Variants in NLGN1 observed in about 807,000 individuals in gnomAD.
The protein encoded by NLGN1 is neuroligin 1, also known as neuroligin-1.
A neutral mutation model predicts 65.5 loss-of-function variants in NLGN1; 12 were observed. The ratio of observed to expected loss-of-function variants is 0.18; its 90% CI spans 0.12 to 0.30. The LOEUF (loss-of-function observed/expected upper bound fraction) is 0.30, where lower values mean the gene tolerates loss of function less well. NLGN1 is among the 10% of genes least tolerant of loss of function. The probability of loss-of-function intolerance (pLI) is 1.00; values close to 1 mark genes in which losing one functional copy is unlikely to be tolerated. For synonymous variants in NLGN1, 350 were observed against 359.5 expected (o/e 0.97, Z 0.30); for missense variants, 750 against 1,007.1 (o/e 0.74, Z 3.46).
chr3:173,422,862 T>G (rs1263214819), intron 1 of NLGN1, among the ~76,000 whole-genome samples: 1 of 152,250 alleles, frequency 6.6e-6, no homozygotes, highest in Non-Finnish European at 1.5e-5. Context: ...AGTTATTGAT[T>G]CCTTGTCAGA....
intron 4 of NLGN1, among the ~76,000 whole-genome samples, chr3:174,024,612 A>G (rs1389890807): frequency 1.3e-5 from 2 of 152,184 alleles, no homozygotes; most frequent in Non-Finnish European, 2.9e-5. Context: ...TGAAAAGAAT[A>G]ACATAAAATA....
intron 3 of NLGN1, among the ~76,000 whole-genome samples, chr3:173,733,736 A>G (rs1261941545): frequency 6.6e-6 from 1 of 152,130 alleles, no homozygotes; most frequent in Non-Finnish European, 1.5e-5. Context: ...TGACTAATTT[A>G]TTCAGTCTTC....
At chr3:173,507,539 C>T (rs1312649978) in intron 2 of NLGN1, among the ~76,000 whole-genome samples, 1 of 152,068 alleles carries the variant, frequency 6.6e-6, no homozygotes, top group South Asian at 2.1e-4. Flanking sequence ...ACATGGTCTT[C>T]AGCAAATTAG....
chr3:174,128,599 T>G (rs1719469480), intron 4 of NLGN1, among the ~76,000 whole-genome samples: 2 of 152,088 alleles, frequency 1.3e-5, no homozygotes, highest in African/African-American at 4.8e-5. Context: ...AGCCCCAAAG[T>G]CCATGTAGTT....
intron 4 of NLGN1, among the ~76,000 whole-genome samples, chr3:173,872,843 T>C (rs1478388602): frequency 6.6e-6 from 1 of 152,162 alleles, no homozygotes; most frequent in Non-Finnish European, 1.5e-5. Flanking sequence ...ATTTGAATAA[T>C]ATCTGGAACC....
In NLGN1 at chr3:173,769,412, A is replaced by G. The variant is rs543338430; in HGVS notation, c.494-38268A>G. On this transcript the variant is annotated intron_variant, in intron 3 of 6. Transcript: ENST00000457714. ...CACTTCATCTCCCAACATTCCCCCA[A>G]ACACACATATGAGGGCCATGTGTTT... is the stretch of plus-strand genomic sequence containing the variant. Among the ~76,000 whole-genome samples, 12 of 152,168 alleles carry G rather than the reference A, an allele frequency of 7.9e-5. No individual in the cohort carries two copies. The South Asian group carries it at 2.5e-3, about 32-fold the overall frequency.
At chr3:174,096,416 A>G (rs547173593) in intron 4 of NLGN1, among the ~76,000 whole-genome samples, 6 of 152,098 alleles carry the variant, frequency 3.9e-5, no homozygotes, top group Non-Finnish European at 8.8e-5. Context: ...AAAACTTTCT[A>G]AAATGCATTT....
intron 3 of NLGN1, among the ~76,000 whole-genome samples, chr3:173,661,439 A>G (rs1262933623): frequency 2.6e-5 from 4 of 151,988 alleles, no homozygotes; most frequent in Admixed American, 6.6e-5. Context: ...TTCAAAGTCC[A>G]GGTTCTCAGC....
At chr3:174,206,323 A>ACACCAACTTCAAGC (rs1173490120) in intron 4 of NLGN1, among the ~76,000 whole-genome samples, 3 of 152,226 alleles carry the variant, frequency 2.0e-5, no homozygotes, top group Admixed American at 6.5e-5. Context: ...CTCGAGGATC[A>ACACCAACTTCAAGC]CACCAACTTC....
intron 3 of NLGN1, among the ~76,000 whole-genome samples, chr3:173,675,576 C>T (rs1015758742): frequency 2.0e-5 from 3 of 151,924 alleles, no homozygotes; most frequent in African/African-American, 7.3e-5. Context: ...AAATTTTAGC[C>T]AATTATTTTA....
At chr3:174,168,542 T>C (rs567039320) in intron 4 of NLGN1, among the ~76,000 whole-genome samples, 2 of 152,222 alleles carry the variant, frequency 1.3e-5, no homozygotes, top group African/African-American at 4.8e-5. Context: ...TATTGGCTAT[T>C]GGGCTGGGCA....
chr3:174,073,443 T>A (rs572158327), intron 4 of NLGN1, among the ~76,000 whole-genome samples: 21 of 152,296 alleles, frequency 1.4e-4, no homozygotes, highest in African/African-American at 5.1e-4. Flanking sequence ...GCAGCACATC[T>A]TTTGAACATA....
intron 3 of NLGN1, among the ~76,000 whole-genome samples, chr3:173,752,784 A>C (rs1776492034): frequency 6.6e-6 from 1 of 151,958 alleles, no homozygotes; most frequent in African/African-American, 2.4e-5. Context: ...TCACCTGTCC[A>C]TTCTCCTTCT....
chr3:174,174,129 A>C (rs1027808267), intron 4 of NLGN1, among the ~76,000 whole-genome samples: 1 of 148,622 alleles, frequency 6.7e-6, no homozygotes, highest in African/African-American at 2.6e-5. Context: ...CTCCAATCTC[A>C]TCCAGGTCAC....
intron 2 of NLGN1, among the ~76,000 whole-genome samples, chr3:173,529,545 A>G (rs1305775896): frequency 6.6e-6 from 1 of 152,214 alleles, no homozygotes; most frequent in Non-Finnish European, 1.5e-5. Flanking sequence ...TGCATGCCCT[A>G]GATCGGCAAG....
At position 174,279,132 on chromosome 3, in the gene NLGN1, G is replaced by A. The variant is rs1751133366; in HGVS notation, c.1131G>A (p.Glu377=). Residue 377 remains glutamate, a synonymous_variant, in exon 6 of 7, where the codon GAG becomes GAA. Transcript: ENST00000457714. This position sits in a 1 kb window ranked among gnomAD's most constrained non-coding sequence, Gnocchi z 4.7. ...CCCAGATATTGATGGAGCAAGGAGA[G>A]TTTCTCAACTATGATATAATGTTAG... The A allele has an allele frequency of 6.2e-7, 1 of 1,613,402 alleles. No homozygotes were observed. The highest frequency in any genetic ancestry group is 1.3e-5 in the African/African-American group (1 of 74,956).
At chr3:173,988,665 CCTT>C (rs1720453767) in intron 4 of NLGN1, among the ~76,000 whole-genome samples, 1 of 151,996 alleles carries the variant, frequency 6.6e-6, no homozygotes, top group Non-Finnish European at 1.5e-5. Flanking sequence ...CAGAAATTAA[CCTT>C]CTCTCTTCTA....
At chr3:173,992,697 A>G (rs980689879) in intron 4 of NLGN1, among the ~76,000 whole-genome samples, 3 of 152,156 alleles carry the variant, frequency 2.0e-5, no homozygotes, top group African/African-American at 7.2e-5. Context: ...TAGGGTATGT[A>G]ATGTTAGTTT....
intron 2 of NLGN1, among the ~76,000 whole-genome samples, chr3:173,542,676 G>T (rs762402457): frequency 1.3e-5 from 2 of 151,866 alleles, no homozygotes; most frequent in Admixed American, 1.3e-4. Flanking sequence ...AGTGGTGTGC[G>T]GGGTATTTTA....
Sources: allele counts gnomAD v4.1 joint callset (sites outside exome capture counted in the v4.1 genomes callset), GRCh38; gene constraint gnomAD v4.1.1; non-coding constraint Gnocchi (gnomAD v3.1); transcripts MANE v1.5; gene names NCBI Gene and HGNC (gene_info 2026-07-23, HGNC 2026-07-21).